ZNF329: variants seen among roughly 807,000 people sequenced by gnomAD.
ZNF329 encodes zinc finger protein 329.
Under a neutral mutation model 26.6 loss-of-function variants are expected in ZNF329, and 15 were observed. The observed-to-expected ratio is 0.56, with a 90% CI of 0.38 to 0.87. The LOEUF is 0.87. ZNF329 is among the 40% of genes least tolerant of loss of function. The pLI, the probability that ZNF329 is intolerant of heterozygous loss-of-function variation, is 0.00. For missense variants in ZNF329, 651 were observed against 651.9 expected (o/e 1.00, Z 0.02); for synonymous variants, 239 against 233.5 (o/e 1.02, Z -0.21).
intron 3 of ZNF329, among the ~76,000 whole-genome samples, chr19:58,138,059 T>C (rs1417737521): frequency 6.6e-6 from 1 of 152,106 alleles, no homozygotes; most frequent in Non-Finnish European, 1.5e-5. Flanking sequence ...TAACTAACAG[T>C]GTAAGGTTAA....
chr19:58,140,647 C>T (rs907240573), intron 3 of ZNF329, among the ~76,000 whole-genome samples: 1 of 151,858 alleles, frequency 6.6e-6, no homozygotes. Flanking sequence ...GATCTCCTGA[C>T]CTCGTGATCC....
chr19:58,150,989 G>A (rs2075442875), upstream of ZNF329, among the ~76,000 whole-genome samples: 2 of 152,240 alleles, frequency 1.3e-5, no homozygotes, highest in African/African-American at 4.8e-5. Context: ...TTGTTATAGA[G>A]CCTTCCTTTT....
rs544204565 is a variant in ZNF329 at position 58,128,353 on chromosome 19, G to A, written c.1151C>T (p.Ser384Phe). The change falls in exon 4 of 4, where the codon TCT (serine) becomes TTT (phenylalanine). Residue 384 changes from serine to phenylalanine, a missense_variant. By Grantham distance (155) the Ser-to-Phe change is radical (BLOSUM62 -2). Coordinates refer to ENST00000598312, the MANE Select transcript of ZNF329 (RefSeq NM_024620.4). ...AECGKSFNRN[S>F]HLIVHQKIHS... ...GATCTTTTGATGCACAATGAGGTGA[G>A]AGTTTCTGTTGAAGGATTTCCCGCA... 6.8e-6 allele frequency: 11 copies of A among 1,614,124 alleles called. No individual in the cohort carries two copies. In the African/African-American group the frequency reaches 1.2e-4, roughly 18 times the overall value.
chr19:58,154,038 A>G (rs979617088), upstream of ZNF329, among the ~76,000 whole-genome samples: 2 of 148,262 alleles, frequency 1.3e-5, no homozygotes, highest in Admixed American at 6.7e-5. Flanking sequence ...GTCTTGCTCT[A>G]TCGCCCAGGC....
In ZNF329 at chr19:58,132,022, C is replaced by CA. The variant is rs11317433; in HGVS notation, c.-8-2512dup. Among the ~76,000 whole-genome samples, 67 of 98,974 alleles carry CA rather than the reference C, an allele frequency of 6.8e-4. 2 individuals are homozygous for CA. Among genetic ancestry groups the CA allele is most frequent in the East Asian group, 6.3e-3 (22 of 3,518 alleles). 64.9% of individuals were successfully genotyped at this position (98,974 alleles called of 152,430 possible). ...TGGGCAACAGGGCGAGACTCTGCCT[C>CA]AAAAAAAAAAAAAAAAGAAAGAAAA... is the stretch of plus-strand genomic sequence containing the variant. On this transcript the variant is annotated intron_variant, in intron 3 of 3. Coordinates refer to ENST00000598312, the MANE Select transcript of ZNF329 (RefSeq NM_024620.4).
At chr19:58,154,255 C>A (rs536001334), upstream of ZNF329, among the ~76,000 whole-genome samples, 4 of 152,250 alleles carry the variant, frequency 2.6e-5, no homozygotes, top group South Asian at 8.3e-4. Flanking sequence ...GCAATCCGCC[C>A]GCTTGGGCCA....
intron 3 of ZNF329, among the ~76,000 whole-genome samples, chr19:58,136,229 C>CAA (rs201265531): frequency 0.022 from 2,455 of 109,702 alleles, 64 homozygotes; most frequent in African/African-American, 0.077. Context: ...GACTCCATCT[C>CAA]AAAAAAAAAA....
Position 58,129,487 on chromosome 19 carries a change from G to C in ZNF329, c.17C>G (p.Thr6Arg). The change falls in exon 4 of 4, where the codon ACG becomes AGG. Residue 6 changes from threonine (T) to arginine (R), a missense_variant. Transcript: ENST00000598312. MRLKM[T>R]TRNFPEREVP... The stretch of plus-strand genomic sequence containing the variant: ...TTCTCTCTCAGGAAAATTCCGAGTC[G>C]TCATTTTCAATCTCATATCCCAAAC... 6.3e-7 allele frequency: 1 copy of C among 1,594,486 alleles called. No individual in the cohort carries two copies. Among genetic ancestry groups the C allele is most frequent in the Non-Finnish European group, 8.5e-7 (1 of 1,169,700 alleles).
At chr19:58,138,183 C>T (rs1208379303) in intron 3 of ZNF329, among the ~76,000 whole-genome samples, 4 of 152,038 alleles carry the variant, frequency 2.6e-5, no homozygotes, top group African/African-American at 9.7e-5. Context: ...CGCCCTTACA[C>T]CTTATCCCAA....
At chr19:58,145,976 C>G (rs75740011) in intron 1 of ZNF329, among the ~76,000 whole-genome samples, 5,308 of 141,528 alleles carry the variant, frequency 0.038, 352 homozygotes, top group African/African-American at 0.13. Flanking sequence ...CCAGCTGGGT[C>G]TTTTAAAAAT....
upstream of ZNF329, chr19:58,154,929 C>A (rs942360067): frequency 6.6e-6 from 1 of 152,386 alleles, no homozygotes; most frequent in African/African-American, 2.4e-5. Context: ...GCCCGTGCAC[C>A]CACGGCGGAG....
intron 1 of ZNF329, among the ~76,000 whole-genome samples, chr19:58,145,688 C>T (rs1174172251): frequency 1.3e-5 from 2 of 152,084 alleles, no homozygotes; most frequent in Non-Finnish European, 2.9e-5. Flanking sequence ...CTTACTATAT[C>T]AAAATGAGTA....
rs750721967 is a variant in ZNF329, at chr19:58,128,588, G to C, written c.916C>G (p.Gln306Glu). 17 of 1,612,880 alleles carry C rather than the reference G, an allele frequency of 1.1e-5. No homozygotes were observed. Among genetic ancestry groups the C allele is most frequent in the Non-Finnish European group, 1.4e-5 (17 of 1,179,552 alleles). Residue 306 changes from glutamine (Q) to glutamate (E), a missense_variant, in exon 4 of 4, where the codon CAA (glutamine) becomes GAA (glutamate). By Grantham distance (29) the Gln-to-Glu change is conservative. Coordinates refer to ENST00000598312, the MANE Select transcript of ZNF329 (RefSeq NM_024620.4). ...FNRNSSLILH[Q>E]RTHTGEKPYR... ...GGTTTTTCCCCTGTATGAGTTCTTT[G>C]GTGCAAAATTAAGGATGAATTTCGG...
In ZNF329 at chr19:58,128,948, G is replaced by C. The variant is rs2074869302; in HGVS notation, c.556C>G (p.Leu186Val). ...TGGTTTTCATTAAGCGATGAGCTCA[G>C]AGTAAAGATGTTCTCAAAATTCTTA... is the stretch of plus-strand genomic sequence containing the variant. The part of the protein sequence containing the change: ...EGKNFENIFT[L>V]SSSLNENQRN... The change falls in exon 4 of 4, where the codon CTG (leucine) becomes GTG (valine). Residue 186 changes from leucine to valine, a missense_variant. Coordinates refer to ENST00000598312, the MANE Select transcript of ZNF329 (RefSeq NM_024620.4). 1.2e-6 allele frequency: 2 copies of C among 1,613,784 alleles called. No individual in the cohort carries two copies. Among genetic ancestry groups the C allele is most frequent in the East Asian group, 2.2e-5 (1 of 44,886 alleles).
At chr19:58,131,022 T>C (rs1907281251) in intron 3 of ZNF329, among the ~76,000 whole-genome samples, 1 of 152,134 alleles carries the variant, frequency 6.6e-6, no homozygotes. Context: ...TTCTATTTTT[T>C]AAGGTAAAAT....
chr19:58,133,723 G>T (rs146364727), intron 3 of ZNF329, among the ~76,000 whole-genome samples: 70 of 152,100 alleles, frequency 4.6e-4, no homozygotes, highest in African/African-American at 1.7e-3. Context: ...TGTGGGCTAG[G>T]TGTGGTGACT....
rs771731940 is a variant in ZNF329, at chr19:58,129,006, T to C, written c.498A>G (p.Lys166=). 3.7e-6 allele frequency: 6 copies of C among 1,613,094 alleles called. No homozygotes were observed. The highest frequency in any genetic ancestry group is 5.1e-6 in the Non-Finnish European group (6 of 1,179,314). Residue 166 remains lysine (K), a synonymous_variant, in exon 4 of 4, where the codon AAA becomes AAG. Coordinates refer to ENST00000598312, the MANE Select transcript of ZNF329 (RefSeq NM_024620.4). The stretch of plus-strand genomic sequence containing the variant: ...ACGATTTCTTGCCTCTTTTCATTAT[T>C]TTCTGATGACCAAGAGAGGTAAAAT... The part of the protein sequence containing the change: ...FNHFTSLGHQ[K]IMKRGKKSYE...
In ZNF329 at chr19:58,128,236, C is replaced by T; in HGVS notation, c.1268G>A (p.Gly423Asp). The T allele has an allele frequency of 6.3e-7, 1 of 1,595,744 alleles. No homozygotes were observed. The highest frequency in any genetic ancestry group is 8.5e-7 in the Non-Finnish European group (1 of 1,171,008). ...CTGGTTGCAGCCATAGGGCTTCTCG[C>T]CAGTATGAATCCTCTGATGCCTGAT... ...YLIRHQRIHT[G>D]EKPYGCNQCQ... is the part of the protein sequence containing the mutation. The change falls in exon 4 of 4, where the codon GGC becomes GAC. Residue 423 changes from glycine to aspartate, a missense_variant. Transcript: ENST00000598312.
intron 1 of ZNF329, among the ~76,000 whole-genome samples, chr19:58,144,147 A>T (rs1464749365): frequency 1.3e-5 from 2 of 152,076 alleles, no homozygotes; most frequent in South Asian, 4.1e-4. Flanking sequence ...AGTAGAAAAA[A>T]ATTGTGGGTT....
Sources: gnomAD v4.1 joint callset for allele counts (sites outside exome capture counted in the v4.1 genomes callset) on GRCh38, gnomAD v4.1.1 for gene constraint, MANE v1.5 for transcripts, NCBI Gene and HGNC (gene_info 2026-07-23, HGNC 2026-07-21) for gene names.